LRP8: variants seen among roughly 807,000 people sequenced by gnomAD.
LRP8 encodes the protein low-density lipoprotein receptor-related protein 8.
Under a neutral mutation model 111.6 loss-of-function variants are expected in LRP8, and 46 were observed. That is an observed-to-expected ratio of 0.41 (90% CI 0.33 to 0.53). The LOEUF is 0.53. LRP8 is among the 20% of genes least tolerant of loss of function. LRP8 has a pLI of 0.20. For missense variants in LRP8, 959 were observed against 1,297.4 expected, an observed-to-expected ratio of 0.74 and a Z score of 4.01; for synonymous variants, 464 against 511.2, an observed-to-expected ratio of 0.91 and a Z score of 1.24.
Position 53,262,219 on chromosome 1 carries a change from A to G in LRP8, c.1775-12T>C. 1 of 1,612,868 alleles carries G rather than the reference A, an allele frequency of 6.2e-7. No individual in the cohort carries two copies. The highest frequency in any genetic ancestry group is 8.5e-7 in the Non-Finnish European group (1 of 1,180,010). On this transcript the variant is annotated splice_polypyrimidine_tract_variant and intron_variant, in intron 11 of 18. Coordinates refer to ENST00000306052, the MANE Select transcript of LRP8 (RefSeq NM_004631.5). The surrounding 1 kb of genome is among the most constrained non-coding windows in gnomAD (Gnocchi z 4.8). ...CTGGCTCAGCAGATCTTGGGAAGGA[A>G]GCAGGATCAGGTCATGAACCTGGGA...
intron 2 of LRP8, among the ~76,000 whole-genome samples, chr1:53,291,585 C>T (rs56766116): frequency 0.012 from 1,815 of 152,314 alleles, 41 homozygotes; most frequent in African/African-American, 0.041. Context: ...TTAAGTATCA[C>T]CTCCAGTCTT....
intron 9 of LRP8, among the ~76,000 whole-genome samples, chr1:53,264,633 G>A (rs980091749): frequency 2.0e-5 from 3 of 152,198 alleles, no homozygotes; most frequent in Non-Finnish European, 4.4e-5. Context: ...GCCCATTAGG[G>A]TGAGCCAGAT....
At chr1:53,325,357 T>G (rs1466596332) in intron 2 of LRP8, among the ~76,000 whole-genome samples, 1 of 152,246 alleles carries the variant, frequency 6.6e-6, no homozygotes, top group East Asian at 1.9e-4. Context: ...AAAATAGGAC[T>G]GTTATGAAGA....
In LRP8 at chr1:53,317,374, T is replaced by C. The variant is rs1653942571; in HGVS notation, c.244+9499A>G. Among the ~76,000 whole-genome samples the C allele has an allele frequency of 6.6e-6, 1 of 152,200 alleles. No homozygotes were observed. The highest frequency in any genetic ancestry group is 1.5e-5 in the Non-Finnish European group (1 of 68,018). On this transcript the variant is annotated intron_variant, in intron 2 of 18. Coordinates refer to ENST00000306052, the MANE Select transcript of LRP8 (RefSeq NM_004631.5). This position sits in a 1 kb window ranked among gnomAD's most constrained non-coding sequence, Gnocchi z 4.9. ...GGCTAACTACCGTGGCAGGCCCGGC[T>C]GGCTAACCAGCCCCACTGGGCCACT...
rs770388692 is a variant in LRP8 at position 53,275,688 on chromosome 1, G to A, written c.949C>T (p.His317Tyr). Reference sequence around the variant, plus strand: ...GGACAGTCCTGCTCCTGGTTGCAGTGCTTGATTGCAAGGACACATGTCCCA... The same window carrying A: ...GGACAGTCCTGCTCCTGGTTGCAGTACTTGATTGCAAGGACACATGTCCCA... ...GDGTCVLAIK[H>Y]CNQEQDCPDG... Residue 317 changes from histidine (H) to tyrosine (Y), a missense_variant, in exon 6 of 19, where the codon CAC becomes TAC. Physicochemically the swap from His to Tyr is moderately conservative, Grantham distance 83. Around this residue, in one of 3 missense-constraint regions of LRP8, gnomAD observed 819 missense variants for 1,097.6 expected, o/e 0.75. Coordinates refer to ENST00000306052, the MANE Select transcript of LRP8 (RefSeq NM_004631.5). This position sits in a 1 kb window ranked among gnomAD's most constrained non-coding sequence, Gnocchi z 4.4. The A allele has an allele frequency of 6.2e-7, 1 of 1,614,012 alleles. No individual in the cohort carries two copies. The highest frequency in any genetic ancestry group is 8.5e-7 in the Non-Finnish European group (1 of 1,180,010).
intron 4 of LRP8, among the ~76,000 whole-genome samples, chr1:53,278,363 G>A (rs908646004): frequency 6.6e-6 from 1 of 152,248 alleles, no homozygotes; most frequent in African/African-American, 2.4e-5. Context: ...CACTGATGCA[G>A]TGGCTGTGGC....
In LRP8 at chr1:53,249,546, CT is replaced by C; in HGVS notation, c.2686del (p.Ser896AlafsTer60). 1.9e-6 allele frequency: 3 copies of C among 1,601,076 alleles called. No homozygotes were observed. Among genetic ancestry groups the C allele is most frequent in the Non-Finnish European group, 2.6e-6 (3 of 1,173,682 alleles). On this transcript the variant is annotated frameshift_variant, in exon 18 of 19. Transcript: ENST00000306052. LOFTEE classifies it high-confidence loss of function. This position sits in a 1 kb window ranked among gnomAD's most constrained non-coding sequence, Gnocchi z 4.1. ...IGHVYPAAISSFDRPLWAEPC... is the reference protein window; with the variant it reads ...IGHVYPAAISXFDRPLWAEPC... ...CTCTGCCCACAGTGGGCGATCAAAG[CT>C]GCTGATTGCCTGACAGGGGGATGGC...
chr1:53,291,890 C>T (rs1476084274), intron 2 of LRP8: 15 of 152,216 alleles, frequency 9.9e-5, no homozygotes, highest in Admixed American at 9.8e-4. Flanking sequence ...GATTGCGAGT[C>T]CAACATGGTT....
intron 2 of LRP8, among the ~76,000 whole-genome samples, chr1:53,300,581 A>G (rs1250508023): frequency 1.3e-5 from 2 of 152,278 alleles, no homozygotes; most frequent in South Asian, 2.1e-4. Flanking sequence ...CTGCGGCCCC[A>G]CTGGCCAGGG....
chr1:53,285,236 C>T (rs563776417), intron 3 of LRP8, among the ~76,000 whole-genome samples: 2 of 152,320 alleles, frequency 1.3e-5, no homozygotes, highest in South Asian at 4.1e-4. Flanking sequence ...TAACTTACTG[C>T]ACCTAACCAC....
intron 2 of LRP8, among the ~76,000 whole-genome samples, chr1:53,314,879 G>C (rs956063166): frequency 3.9e-5 from 6 of 152,318 alleles, no homozygotes; most frequent in Admixed American, 6.5e-5. Context: ...GGGCTGGGTG[G>C]AGCAGAACCA....
intron 2 of LRP8, among the ~76,000 whole-genome samples, chr1:53,320,179 T>C (rs1253795492): frequency 2.0e-5 from 3 of 152,270 alleles, no homozygotes; most frequent in Admixed American, 2.0e-4. Context: ...AGATGACTTC[T>C]TGGCAATCCA....
Position 53,294,193 on chromosome 1 carries a change from C to T in LRP8, c.245-4504G>A, listed in dbSNP as rs967857012. Among the ~76,000 whole-genome samples the T allele has an allele frequency of 6.6e-6, 1 of 152,200 alleles. No homozygotes were observed. The highest frequency in any genetic ancestry group is 1.5e-5 in the Non-Finnish European group (1 of 68,028). ...CAGTCTGCCCCTTGGACAATGCCCA[C>T]CTCTGTGAGTCCCTCAGCCCAGGAG... On this transcript the variant is annotated intron_variant, in intron 2 of 18. Coordinates refer to ENST00000306052, the MANE Select transcript of LRP8 (RefSeq NM_004631.5). This position sits in a 1 kb window ranked among gnomAD's most constrained non-coding sequence, Gnocchi z 4.1.
intron 2 of LRP8, among the ~76,000 whole-genome samples, chr1:53,311,100 G>A (rs1335619882): frequency 1.3e-5 from 2 of 152,106 alleles, no homozygotes; most frequent in Non-Finnish European, 2.9e-5. Context: ...ACCCCAGCCT[G>A]CTCTGAGCTG....
At position 53,266,175 on chromosome 1, in the gene LRP8, T is replaced by C. The variant is rs978418540; in HGVS notation, c.1427+298A>G. 5.4e-5 allele frequency among the ~76,000 whole-genome samples: 7 copies of C among 129,448 alleles called. No homozygotes were observed. Among genetic ancestry groups the C allele is most frequent in the African/African-American group, 1.8e-4 (7 of 38,706 alleles). 84.9% of individuals were successfully genotyped at this position (129,448 alleles called of 152,430 possible). A position where few individuals can be genotyped will look rare whatever the true frequency, so the allele number is the denominator to read the frequency against. On this transcript the variant is annotated intron_variant, in intron 9 of 18. Coordinates refer to ENST00000306052, the MANE Select transcript of LRP8 (RefSeq NM_004631.5). This position sits in a 1 kb window ranked among gnomAD's most constrained non-coding sequence, Gnocchi z 5.0. ...AAGTCCTCCCCAAAGCCAGGATTTC[T>C]TCCTTTCTGCCCTGGCCAAACAGTT...
chr1:53,275,137 C>T lies in LRP8; in HGVS notation c.1006+494G>A, dbSNP rs1208559700. 6.6e-6 allele frequency among the ~76,000 whole-genome samples: 1 copy of T among 152,170 alleles called. No individual in the cohort carries two copies. Among genetic ancestry groups the T allele is most frequent in the Non-Finnish European group, 1.5e-5 (1 of 68,008 alleles). On this transcript the variant is annotated intron_variant, in intron 6 of 18. Transcript: ENST00000306052. This position sits in a 1 kb window ranked among gnomAD's most constrained non-coding sequence, Gnocchi z 4.4. ...ACCTTAGAGGCTGGACTGATCATCT[C>T]CTGGGGGGACTTTGCCCCATGGACC...
chr1:53,264,409 CAG>C lies in LRP8; in HGVS notation c.1428-15_1428-14del. On this transcript the variant is annotated splice_polypyrimidine_tract_variant and intron_variant, in intron 9 of 18. Transcript: ENST00000306052. ...GTCCATGTAGGCGCTTAAGAGAAAA[CAG>C]AGATGACCATGGGGCAGATGTTCCA... 6.2e-7 allele frequency: 1 copy of C among 1,605,608 alleles called. No individual in the cohort carries two copies. Among genetic ancestry groups the C allele is most frequent in the South Asian group, 1.1e-5 (1 of 90,064 alleles).
rs552695616 is a variant in LRP8 at position 53,317,804 on chromosome 1, G to A, written c.244+9069C>T. ...TTTTCTCCATCACTGCACTGCATCC[G>A]GCCCAATTGTGAGTGCAGGAAGAAG... On this transcript the variant is annotated intron_variant, in intron 2 of 18. Transcript: ENST00000306052. The surrounding 1 kb of genome is among the most constrained non-coding windows in gnomAD (Gnocchi z 4.9). 3.3e-5 allele frequency among the ~76,000 whole-genome samples: 5 copies of A among 152,312 alleles called. No homozygotes were observed. The highest frequency in any genetic ancestry group is 9.6e-5 in the African/African-American group (4 of 41,562).
Position 53,250,828 on chromosome 1 carries a change from C to G in LRP8, c.2538G>C (p.Leu846=), listed in dbSNP as rs745398526. ...TCTTCCGCTTCCAGTTTCTCCAGATCAGGTATCCACTCATGCACAGGAGGG... is the reference window on the plus strand; with the variant it reads ...TCTTCCGCTTCCAGTTTCTCCAGATGAGGTATCCACTCATGCACAGGAGGG... The part of the protein sequence containing the change: ...VIALLCMSGY[L]IWRNWKRKNT... The change falls in exon 17 of 19, where the codon CTG becomes CTC. Residue 846 remains leucine (L), a synonymous_variant. Coordinates refer to ENST00000306052, the MANE Select transcript of LRP8 (RefSeq NM_004631.5). The surrounding 1 kb of genome is among the most constrained non-coding windows in gnomAD (Gnocchi z 4.6). 2 of 1,614,126 alleles carry G rather than the reference C, an allele frequency of 1.2e-6. No homozygotes were observed. Among genetic ancestry groups the G allele is most frequent in the South Asian group, 2.2e-5 (2 of 91,084 alleles).
Sources: allele counts gnomAD v4.1 joint callset (sites outside exome capture counted in the v4.1 genomes callset), GRCh38; gene constraint gnomAD v4.1.1; regional missense constraint gnomAD v4.1.1; non-coding constraint Gnocchi (gnomAD v3.1); transcripts MANE v1.5; gene names NCBI Gene and HGNC (gene_info 2026-07-23, HGNC 2026-07-21).